Variants in PITPNA observed in about 807,000 individuals in gnomAD.
The protein encoded by PITPNA is phosphatidylinositol transfer protein alpha, also known as phosphatidylinositol transfer protein alpha isoform.
A neutral mutation model predicts 50.3 loss-of-function variants in PITPNA; 13 were observed. The observed-to-expected ratio is 0.26, with a 90% CI of 0.17 to 0.41. PITPNA has a LOEUF of 0.41. PITPNA is among the 10% of genes least tolerant of loss of function. PITPNA has a pLI of 1.00. For synonymous variants in PITPNA, 120 were observed against 119.6 expected (o/e 1.00, Z -0.02); for missense variants, 207 against 333.4 (o/e 0.62, Z 2.95).
chr17:1,523,443 G>C (rs1237221838), intron 10 of PITPNA, among the ~76,000 whole-genome samples: 1 of 151,524 alleles, frequency 6.6e-6, no homozygotes, highest in Non-Finnish European at 1.5e-5. Context: ...CCTGGCTCAA[G>C]TGATCCTCCT....
At position 1,546,089 on chromosome 17, in the gene PITPNA, G is replaced by A. The variant is rs138442007; in HGVS notation, c.289+2207C>T. Among the ~76,000 whole-genome samples the A allele has an allele frequency of 1.4e-3, 220 of 151,882 alleles. 1 individual carries two copies. The highest frequency in any genetic ancestry group is 5.1e-3 in the African/African-American group (213 of 41,428). On this transcript the variant is annotated intron_variant, in intron 4 of 11. Transcript: ENST00000313486. ...GTTACAGGCATGCACCACCATGCCCGGATAACTTTTTGTATTTTTAGTAGA... is the reference window on the plus strand; with the variant it reads ...GTTACAGGCATGCACCACCATGCCCAGATAACTTTTTGTATTTTTAGTAGA...
At chr17:1,549,168 G>A (rs573451985) in intron 3 of PITPNA, among the ~76,000 whole-genome samples, 5 of 151,864 alleles carry the variant, frequency 3.3e-5, no homozygotes, top group South Asian at 4.2e-4. Context: ...GGCCTCCCAC[G>A]GTGCTGGGAT....
At chr17:1,541,492 A>G in intron 6 of PITPNA, 74 bp downstream of exon 6, 1 of 1,051,356 alleles carries the variant, frequency 9.5e-7, no homozygotes, top group Non-Finnish European at 1.5e-6. Context: ...AGAGGACCCC[A>G]TGGTAGCCCT....
chr17:1,561,870 G>A (rs1263436004), intron 1 of PITPNA, among the ~76,000 whole-genome samples: 1 of 152,054 alleles, frequency 6.6e-6, no homozygotes, highest in Non-Finnish European at 1.5e-5. Flanking sequence ...CTCCATCGCG[G>A]AGCCTCTGAC....
rs189852299 is a variant in PITPNA at position 1,536,326 on chromosome 17, T to A, written c.457-808A>T. ...TTTTTGAGAGGGAGTCTCGCTCTGTTGGCCAGGCTGGAGTGCAGTAGCGCG... is the reference window on the plus strand; with the variant it reads ...TTTTTGAGAGGGAGTCTCGCTCTGTAGGCCAGGCTGGAGTGCAGTAGCGCG... On this transcript the variant is annotated intron_variant, in intron 7 of 11. Transcript: ENST00000313486. Among the ~76,000 whole-genome samples the A allele has an allele frequency of 7.3e-5, 11 of 151,670 alleles. 1 individual carries two copies. The highest frequency in any genetic ancestry group is 2.2e-4 in the African/African-American group (9 of 41,286).
At position 1,518,354 on chromosome 17, in the gene PITPNA, A is replaced by T. The variant is rs897456141; in HGVS notation, c.*2207T>A. The T allele has an allele frequency of 6.5e-6, 1 of 152,702 alleles. No homozygotes were observed. Among genetic ancestry groups the T allele is most frequent in the Non-Finnish European group, 1.5e-5 (1 of 68,074 alleles). The allele number at this position is 152,702 out of a possible 1,614,324, so 9.5% of individuals were successfully genotyped here. The stretch of plus-strand genomic sequence containing the variant: ...GAAGGGGCATGGCACACACTCAGGT[A>T]CTACCCCTGGAGCTGAACCTTTATC... On this transcript the variant is annotated 3_prime_UTR_variant, in exon 12 of 12. Transcript: ENST00000313486.
At chr17:1,561,546 G>A (rs1483059772) in intron 1 of PITPNA, among the ~76,000 whole-genome samples, 5 of 151,906 alleles carry the variant, frequency 3.3e-5, no homozygotes, top group Admixed American at 1.3e-4. Flanking sequence ...TCTCTTTCCG[G>A]ACCAGCCTCG....
At chr17:1,556,465 A>G (rs2075735445) in intron 2 of PITPNA, among the ~76,000 whole-genome samples, 1 of 152,206 alleles carries the variant, frequency 6.6e-6, no homozygotes, top group Admixed American at 6.5e-5. Flanking sequence ...TGGCCCCACC[A>G]TAAGCCATCA....
intron 5 of PITPNA, among the ~76,000 whole-genome samples, 190 bp downstream of exon 5, chr17:1,542,830 A>T (rs1299251964): frequency 1.3e-5 from 2 of 152,214 alleles, no homozygotes; most frequent in Admixed American, 6.5e-5. Context: ...CCGCAGGCCA[A>T]TGCAGCTTAA....
At position 1,562,549 on chromosome 17, in the gene PITPNA, G is replaced by A. The variant is rs767094472; in HGVS notation, c.12C>T (p.Leu4=). 5.7e-6 allele frequency: 8 copies of A among 1,403,276 alleles called. No homozygotes were observed. The highest frequency in any genetic ancestry group is 1.5e-5 in the African/African-American group (1 of 67,512). The allele number at this position is 1,403,276 out of a possible 1,614,324, so 86.9% of individuals were successfully genotyped here. The change falls in exon 1 of 12, where the codon CTC becomes CTT. Residue 4 remains leucine, a synonymous_variant. Transcript: ENST00000313486. This position sits in a 1 kb window ranked among gnomAD's most constrained non-coding sequence, Gnocchi z 6.4. ...GGCCGCCGGACACTCACTACTCCTT[G>A]AGCAGCACCATGTCGCTTCGCGGCT... MVL[L]KEYRVILPVS... is the part of the protein sequence containing the mutation.
intron 3 of PITPNA, among the ~76,000 whole-genome samples, chr17:1,550,349 G>T: frequency 6.6e-6 from 1 of 152,322 alleles, no homozygotes; most frequent in Non-Finnish European, 1.5e-5. Flanking sequence ...AGTGCACCGG[G>T]CAGGCTCTGC....
chr17:1,549,553 T>C lies in PITPNA; in HGVS notation c.198-1166A>G. 1.6e-5 allele frequency among the ~76,000 whole-genome samples: 2 copies of C among 121,970 alleles called. 1 individual carries two copies. The highest frequency in any genetic ancestry group is 3.3e-5 in the Non-Finnish European group (2 of 61,338). 80.0% of individuals were successfully genotyped at this position (121,970 alleles called of 152,430 possible). On this transcript the variant is annotated intron_variant, in intron 3 of 11. Coordinates refer to ENST00000313486, the MANE Select transcript of PITPNA (RefSeq NM_006224.4). ...GGATGGTCTCAATCTCCTGAGCTCA[T>C]GATCTGCCCGCCTCAGCCTCCCAAA... is the stretch of plus-strand genomic sequence containing the variant.
intron 10 of PITPNA, among the ~76,000 whole-genome samples, chr17:1,531,257 C>A (rs185710589): frequency 6.6e-6 from 1 of 152,268 alleles, no homozygotes; most frequent in Admixed American, 6.5e-5. Context: ...CAGCAAGAGA[C>A]AGGGGAGTCC....
intron 3 of PITPNA, among the ~76,000 whole-genome samples, chr17:1,550,274 C>A (rs536607438): frequency 6.6e-6 from 1 of 152,252 alleles, no homozygotes; most frequent in African/African-American, 2.4e-5. Context: ...TAAGTTCATG[C>A]CATAATGCGG....
intron 1 of PITPNA, among the ~76,000 whole-genome samples, chr17:1,560,785 TCCGAG>T (rs1164455415): frequency 1.3e-5 from 2 of 152,182 alleles, no homozygotes; most frequent in East Asian, 3.8e-4. Context: ...CAGGAAAAGC[TCCGAG>T]CCCTGGCTGA....
At chr17:1,525,538 T>C (rs534731359) in intron 10 of PITPNA, among the ~76,000 whole-genome samples, 1 of 130,626 alleles carries the variant, frequency 7.7e-6, no homozygotes, top group South Asian at 2.4e-4. Context: ...TGAGACAAGG[T>C]CTCACTCTGT....
chr17:1,543,349 C>T (rs1251081764), intron 4 of PITPNA, among the ~76,000 whole-genome samples: 3 of 152,158 alleles, frequency 2.0e-5, no homozygotes, highest in Non-Finnish European at 4.4e-5. Flanking sequence ...ACTCATCACT[C>T]TGGCATCAGA....
chr17:1,559,654 A>T, intron 1 of PITPNA: 1 of 426,594 alleles, frequency 2.3e-6, no homozygotes, highest in Non-Finnish European at 3.1e-6. Context: ...CCGGCTCACC[A>T]CTCAGGCTCC....
At chr17:1,527,874 A>G (rs2075557094) in intron 10 of PITPNA, among the ~76,000 whole-genome samples, 1 of 152,214 alleles carries the variant, frequency 6.6e-6, no homozygotes, top group Non-Finnish European at 1.5e-5. Context: ...ATTTCAAAAT[A>G]AAAGGTTCGG....
Sources: gnomAD v4.1 joint callset for allele counts (sites outside exome capture counted in the v4.1 genomes callset) on GRCh38, gnomAD v4.1.1 for gene constraint, Gnocchi (gnomAD v3.1) non-coding constraint, MANE v1.5 for transcripts, NCBI Gene and HGNC (gene_info 2026-07-23, HGNC 2026-07-21) for gene names.